Variants in ADAM8 observed in about 807,000 individuals in gnomAD.
ADAM8 encodes the protein disintegrin and metalloproteinase domain-containing protein 8.
A neutral mutation model predicts 102.4 loss-of-function variants in ADAM8; 104 were observed. The observed-to-expected ratio is 1.02, with a 90% CI of 0.87 to 1.20. ADAM8 has a LOEUF of 1.20. Ranked by LOEUF, ADAM8 falls within the 50% of genes most tolerant of loss-of-function variation. The pLI is 0.00. For missense variants in ADAM8, 1,132 were observed against 1,159.0 expected (o/e 0.98, Z 0.34); for synonymous variants, 517 against 485.2 (o/e 1.07, Z -0.86).
Position 133,269,987 on chromosome 10 carries a change from G to T in ADAM8, c.1786-13C>A. 1 of 1,612,420 alleles carries T rather than the reference G, an allele frequency of 6.2e-7. No individual in the cohort carries two copies. The highest frequency in any genetic ancestry group is 1.1e-5 in the South Asian group (1 of 91,088). On this transcript the variant is annotated splice_polypyrimidine_tract_variant and intron_variant, in intron 16 of 22. Coordinates refer to ENST00000445355, the MANE Select transcript of ADAM8 (RefSeq NM_001109.5). The stretch of plus-strand genomic sequence containing the variant: ...CTTTCCAGCAAACCTGGGGGTAGGA[G>T]GCGTCTCTCAGGCAGCCGCTCTGGA...
rs773756109 is a variant in ADAM8, at chr10:133,270,372, A to G, written c.1773T>C (p.Cys591=). ...GCCAGGGGCTCACCTTCTCTGGTCC[A>G]CACCGGGTGCCCTCGGGCACTGGTT... is the stretch of plus-strand genomic sequence containing the variant. ...AYEPVPEGTR[C]GPEKVCWKGR... The change falls in exon 16 of 23, where the codon TGT becomes TGC. Residue 591 remains cysteine (C), a synonymous_variant. Coordinates refer to ENST00000445355, the MANE Select transcript of ADAM8 (RefSeq NM_001109.5). 4 of 1,587,858 alleles carry G rather than the reference A, an allele frequency of 2.5e-6. No homozygotes were observed. The highest frequency in any genetic ancestry group is 2.7e-5 in the African/African-American group (2 of 74,618).
intron 21 of ADAM8, among the ~76,000 whole-genome samples, chr10:133,265,377 T>C (rs1246414446): frequency 6.6e-6 from 1 of 152,248 alleles, no homozygotes; most frequent in Non-Finnish European, 1.5e-5. Flanking sequence ...CAGAAATCTC[T>C]CTGCCCCCTT....
At chr10:133,272,052 C>T (rs1217161500) in intron 10 of ADAM8, 98 bp from the exon 11 acceptor site, 4 of 1,552,286 alleles carry the variant, frequency 2.6e-6, no homozygotes. Flanking sequence ...AGCTTCCCGC[C>T]AACACCACCT....
At chr10:133,273,058 C>A (rs752528778) in intron 6 of ADAM8, 39 bp from the exon 7 acceptor site, 3 of 1,611,970 alleles carry the variant, frequency 1.9e-6, no homozygotes, top group African/African-American at 1.3e-5. Flanking sequence ...GCCTTCCCAG[C>A]GCCGGGGCCT....
intron 18 of ADAM8, chr10:133,269,165 C>T (rs749199439): frequency 1.3e-5 from 13 of 985,326 alleles, no homozygotes; most frequent in Non-Finnish European, 1.4e-5. Context: ...GGGCCCCGGG[C>T]CGAGGAGGGG....
At chr10:133,271,772 C>T (rs1275611639) in intron 11 of ADAM8, 34 bp downstream of exon 11, 1 of 1,603,182 alleles carries the variant, frequency 6.2e-7, no homozygotes, top group East Asian at 2.2e-5. Flanking sequence ...GTACCTCCAG[C>T]ATACCCTGGC....
At chr10:133,275,233 G>A (rs1032885849) in intron 2 of ADAM8, among the ~76,000 whole-genome samples, 2 of 152,188 alleles carry the variant, frequency 1.3e-5, no homozygotes, top group African/African-American at 4.8e-5. Flanking sequence ...ACTGGGGAGG[G>A]GCCCGGGGCC....
At position 133,269,219 on chromosome 10, in the gene ADAM8, C is replaced by T. The variant is rs569490812; in HGVS notation, c.1948+226G>A. 220 of 979,894 alleles carry T rather than the reference C, an allele frequency of 2.2e-4. No individual in the cohort carries two copies. In the African/African-American group the frequency reaches 3.6e-3, roughly 16 times the overall value. 60.7% of individuals were successfully genotyped at this position (979,894 alleles called of 1,614,324 possible). On this transcript the variant is annotated intron_variant, in intron 18 of 22. Coordinates refer to ENST00000445355, the MANE Select transcript of ADAM8 (RefSeq NM_001109.5). ...GGACACTGGAGTCTCAGCTCACGGC[C>T]GTGCCCTGCCCTCGGCCACTGCCTC... is the stretch of plus-strand genomic sequence containing the variant.
rs1846776618 is a variant in ADAM8, at chr10:133,276,836, A to G, written c.-19T>C. ...CGCGCATGGCCGGGTCGGGGAGCAG[A>G]GGCGGAGGTGACAGCCCCGCGGGAC... On this transcript the variant is annotated 5_prime_UTR_variant, in exon 1 of 23. Transcript: ENST00000445355. The G allele has an allele frequency of 2.0e-6, 3 of 1,519,146 alleles. No individual in the cohort carries two copies. The highest frequency in any genetic ancestry group is 2.6e-6 in the Non-Finnish European group (3 of 1,137,340). 94.1% of individuals were successfully genotyped at this position (1,519,146 alleles called of 1,614,324 possible).
At chr10:133,272,329 CCCACCCCAGCCCTGCTCT>C in intron 9 of ADAM8, 55 bp from the exon 10 acceptor site, 2 of 1,353,284 alleles carry the variant, frequency 1.5e-6, no homozygotes, top group Non-Finnish European at 2.0e-6. Flanking sequence ...CCACTTCCCT[CCCACCCCAGCCCTGCTCT>C]CCCTTCCACC....
chr10:133,264,748 C>T lies in ADAM8; in HGVS notation c.2320-983G>A, dbSNP rs190842219. ...CCTCTGCCCCATCTACCTCCACGCC[C>T]GGCTCTTGCTGCAGCCTCTGCCGCA... On this transcript the variant is annotated intron_variant, in intron 21 of 22. Coordinates refer to ENST00000445355, the MANE Select transcript of ADAM8 (RefSeq NM_001109.5). 5.6e-3 allele frequency among the ~76,000 whole-genome samples: 843 copies of T among 149,926 alleles called. 3 individuals are homozygous for T. The highest frequency in any genetic ancestry group is 1.0e-2 in the Non-Finnish European group (671 of 67,424).
In ADAM8 at chr10:133,271,287, G is replaced by C; in HGVS notation, c.1287C>G (p.Asp429Glu). The change falls in exon 13 of 23, where the codon GAC becomes GAG. Residue 429 changes from aspartate to glutamate, a missense_variant and splice_region_variant. Coordinates refer to ENST00000445355, the MANE Select transcript of ADAM8 (RefSeq NM_001109.5). The stretch of plus-strand genomic sequence containing the variant: ...TAGAGTTGCAGCAGCGGTTCCGGCA[G>C]TCCTGGGGCGACGGCAAAGGCCTTG... Reference protein sequence around the residue: ...GEQCDCGPPEDCRNRCCNSTT... With the variant: ...GEQCDCGPPEECRNRCCNSTT... 1.2e-6 allele frequency: 2 copies of C among 1,609,584 alleles called. No homozygotes were observed. Among genetic ancestry groups the C allele is most frequent in the Non-Finnish European group, 1.7e-6 (2 of 1,179,330 alleles).
intron 18 of ADAM8, chr10:133,269,198 A>G: frequency 1.0e-6 from 1 of 984,434 alleles, no homozygotes; most frequent in Non-Finnish European, 1.2e-6. Context: ...GGCTGAGGAC[A>G]CTGGAGTCTC....
intron 21 of ADAM8, chr10:133,263,983 G>C: frequency 2.2e-6 from 1 of 448,660 alleles, no homozygotes; most frequent in Non-Finnish European, 3.9e-6. Context: ...CGCCATCCTG[G>C]GCCCACCTGC....
At position 133,263,879 on chromosome 10, in the gene ADAM8, C is replaced by T. The variant is rs550285904; in HGVS notation, c.2320-114G>A. 12 of 950,656 alleles carry T rather than the reference C, an allele frequency of 1.3e-5. No individual in the cohort carries two copies. In the Middle Eastern group the frequency reaches 1.6e-3, roughly 124 times the overall value. 58.9% of individuals were successfully genotyped at this position (950,656 alleles called of 1,614,324 possible). On this transcript the variant is annotated intron_variant, in intron 21 of 22. Coordinates refer to ENST00000445355, the MANE Select transcript of ADAM8 (RefSeq NM_001109.5). Reference sequence around the variant, plus strand: ...CTCCCCACAGACCTCGCTCTGCCCCCCAGGGAGCCTGCAGGCTCCGCCCCC... The same window carrying T: ...CTCCCCACAGACCTCGCTCTGCCCCTCAGGGAGCCTGCAGGCTCCGCCCCC...
At chr10:133,272,757 C>G in intron 8 of ADAM8, 41 bp downstream of exon 8, 1 of 1,577,172 alleles carries the variant, frequency 6.3e-7, no homozygotes, top group Non-Finnish European at 8.6e-7. Flanking sequence ...CCACCTCCCG[C>G]CAGGGGCTCT....
intron 2 of ADAM8, among the ~76,000 whole-genome samples, chr10:133,274,446 GGTGGAGA>G (rs1386688884): frequency 8.6e-6 from 1 of 116,084 alleles, no homozygotes; most frequent in Non-Finnish European, 1.9e-5. Flanking sequence ...GAAGGTGGAG[GGTGGAGA>G]GTGGAGGGTG....
intron 21 of ADAM8, among the ~76,000 whole-genome samples, chr10:133,264,058 C>CTTTTTT (rs3058139): frequency 1.2e-5 from 1 of 84,042 alleles, no homozygotes; most frequent in African/African-American, 3.7e-5. Flanking sequence ...TTTTCCTTTC[C>CTTTTTT]TTTTTTTTTT....
Position 133,267,922 on chromosome 10 carries a change from T to C in ADAM8, c.2253+7A>G. ...GGCCTCATGAACCCGCCAGGGGTGG[T>C]GCTTACAGCAGGGGGCGGCCTCTTC... On this transcript the variant is annotated splice_region_variant and intron_variant, in intron 20 of 22. Coordinates refer to ENST00000445355, the MANE Select transcript of ADAM8 (RefSeq NM_001109.5). 2 of 1,258,828 alleles carry C rather than the reference T, an allele frequency of 1.6e-6. No individual in the cohort carries two copies. The highest frequency in any genetic ancestry group is 3.1e-4 in the Middle Eastern group (1 of 3,264). 78.0% of individuals were successfully genotyped at this position (1,258,828 alleles called of 1,614,324 possible).
Sources: allele counts gnomAD v4.1 joint callset (sites outside exome capture counted in the v4.1 genomes callset), GRCh38; gene constraint gnomAD v4.1.1; transcripts MANE v1.5; gene names NCBI Gene and HGNC (gene_info 2026-07-23, HGNC 2026-07-21).